LOC400499: variants seen among roughly 807,000 people sequenced by gnomAD.
At chr16:11,409,670 T>C in the LOC400499 span, among the ~76,000 whole-genome samples, 11 of 152,330 alleles carry the variant, frequency 7.2e-5, no homozygotes, top group African/African-American at 2.4e-4. Flanking sequence ...AGCTGGGAAA[T>C]TGTATATGGG....
At chr16:11,430,156 G>C in the LOC400499 span, among the ~76,000 whole-genome samples, 1 of 152,072 alleles carries the variant, frequency 6.6e-6, no homozygotes. Context: ...CCCAGACGGA[G>C]GGCTGTTTCA....
chr16:11,408,302 C>T, the LOC400499 span, among the ~76,000 whole-genome samples: 1 of 151,990 alleles, frequency 6.6e-6, no homozygotes, highest in Non-Finnish European at 1.5e-5. Flanking sequence ...ATTTTTAACG[C>T]GCTCACTAGA....
At chr16:11,388,966 A>C in the LOC400499 span, among the ~76,000 whole-genome samples, 1 of 152,186 alleles carries the variant, frequency 6.6e-6, no homozygotes, top group African/African-American at 2.4e-5. Flanking sequence ...ACATGCTTGT[A>C]ATCCCAGCTA....
At chr16:11,403,604 C>T in the LOC400499 span, among the ~76,000 whole-genome samples, 1 of 152,186 alleles carries the variant, frequency 6.6e-6, no homozygotes, top group Non-Finnish European at 1.5e-5. Flanking sequence ...TTCCATCAGG[C>T]CACCTGGTAA....
At chr16:11,479,688 T>A in the LOC400499 span, among the ~76,000 whole-genome samples, 1 of 152,234 alleles carries the variant, frequency 6.6e-6, no homozygotes, top group East Asian at 1.9e-4. Flanking sequence ...TTCCCACGTA[T>A]CCTTCAACTG....
the LOC400499 span, chr16:11,424,985 T>C: frequency 7.5e-6 from 3 of 397,380 alleles, no homozygotes; most frequent in Non-Finnish European, 1.3e-5. Flanking sequence ...GAGACACAGG[T>C]GTGCCGGGGA....
At chr16:11,439,551 C>T in the LOC400499 span, 1,135 of 399,120 alleles carry the variant, frequency 2.8e-3, 6 homozygotes, top group African/African-American at 0.012. Context: ...AATGCAAAGT[C>T]GGAGTCAGAT....
chr16:11,513,517 G>A, the LOC400499 span, among the ~76,000 whole-genome samples: 3 of 151,788 alleles, frequency 2.0e-5, no homozygotes, highest in East Asian at 1.9e-4. Flanking sequence ...CTGCACCTCC[G>A]CCTCCCGGGT....
the LOC400499 span, chr16:11,508,956 C>T: frequency 2.5e-6 from 1 of 397,272 alleles, no homozygotes. Flanking sequence ...GTGCTTCCTT[C>T]AGCATGTTTC....
chr16:11,385,057 C>G, the LOC400499 span: 2 of 1,232,008 alleles, frequency 1.6e-6, no homozygotes, highest in Non-Finnish European at 1.0e-6. Context: ...AGTTGTACAG[C>G]CTGTAGGCCT....
chr16:11,486,379 G>C, the LOC400499 span, among the ~76,000 whole-genome samples: 17 of 133,492 alleles, frequency 1.3e-4, no homozygotes, highest in African/African-American at 5.3e-4. Flanking sequence ...GGCTGGGTGG[G>C]TGTGTGGTTT....
At chr16:11,384,947 G>A in the LOC400499 span, 11 of 1,232,154 alleles carry the variant, frequency 8.9e-6, no homozygotes, top group Admixed American at 2.5e-4. Context: ...ACAGGAGACA[G>A]ACACCCCGTC....
At chr16:11,523,329 A>G in the LOC400499 span, 2 of 398,450 alleles carry the variant, frequency 5.0e-6, no homozygotes, top group Non-Finnish European at 4.4e-6. Context: ...CTCTAATCCC[A>G]TCTTACAGCT....
the LOC400499 span, among the ~76,000 whole-genome samples, chr16:11,486,811 TGGGCGGGC>T: frequency 7.9e-5 from 3 of 38,042 alleles, no homozygotes; most frequent in East Asian, 3.8e-3. Flanking sequence ...GAATGGATGA[TGGGCGGGC>T]GGGTGGGTGG....
At chr16:11,399,886 C>T in the LOC400499 span, 3 of 398,284 alleles carry the variant, frequency 7.5e-6, no homozygotes, top group East Asian at 3.6e-5. Context: ...TAACGGTGTC[C>T]CCACAGCCAT....
chr16:11,450,635 A>C, the LOC400499 span: 1 of 1,536,076 alleles, frequency 6.5e-7, no homozygotes, highest in Non-Finnish European at 8.7e-7. Flanking sequence ...GCTGCGGTGT[A>C]AACCTGGATC....
chr16:11,446,953 C>G, the LOC400499 span: 11 of 1,508,310 alleles, frequency 7.3e-6, no homozygotes, highest in South Asian at 1.1e-4. Flanking sequence ...ATTAAAGCAG[C>G]TGGCAGTGCC....
chr16:11,383,791 C>G, the LOC400499 span: 6 of 1,232,118 alleles, frequency 4.9e-6, no homozygotes, highest in African/African-American at 4.7e-5. Flanking sequence ...TACCTGAAAT[C>G]AGGGACACCG....
At chr16:11,384,981 A>C in the LOC400499 span, 1 of 1,232,070 alleles carries the variant, frequency 8.1e-7, no homozygotes, top group Non-Finnish European at 1.0e-6. Context: ...TCAATCCTGG[A>C]GACGTCCTTC....
Sources: allele counts gnomAD v4.1 joint callset (sites outside exome capture counted in the v4.1 genomes callset), GRCh38; gene constraint gnomAD v4.1.1; transcripts MANE v1.5.